Variants in PARVB observed in about 807,000 individuals in gnomAD.
PARVB encodes parvin beta.
Under a neutral mutation model 47.0 loss-of-function variants are expected in PARVB, and 46 were observed. The observed-to-expected ratio is 0.98, with a 90% CI of 0.77 to 1.25. PARVB has a LOEUF of 1.25. Among genes scored for constraint, PARVB ranks in the 50% most tolerant of loss-of-function variants. The pLI, the probability that PARVB is intolerant of heterozygous loss-of-function variation, is 0.00. For synonymous variants in PARVB, 196 were observed against 196.3 expected, an observed-to-expected ratio of 1.00 and a Z score of 0.01; for missense variants, 473 against 471.6, an observed-to-expected ratio of 1.00 and a Z score of -0.03.
chr22:44,085,889 T>G (rs147788445), intron 1 of PARVB, among the ~76,000 whole-genome samples: 1 of 152,360 alleles, frequency 6.6e-6, no homozygotes, highest in Non-Finnish European at 1.5e-5. Flanking sequence ...GGACAGGGTT[T>G]CAGCAGTGAG....
intron 1 of PARVB, among the ~76,000 whole-genome samples, chr22:44,082,430 A>C (rs1173151965): frequency 9.9e-5 from 15 of 152,220 alleles, no homozygotes. Flanking sequence ...GAGGCAGGAG[A>C]ATCGCTTGAA....
rs894464611 is a variant in PARVB, at chr22:44,151,528, G to A, written c.820G>A (p.Glu274Lys). Residue 274 changes from glutamate (E) to lysine (K), a missense_variant, in exon 10 of 13, where the codon GAG becomes AAG. Coordinates refer to ENST00000338758, the MANE Select transcript of PARVB (RefSeq NM_013327.5). ...VNKHLNKLNL[E>K]VTELETQFAD... ...CAAGCACCTGAACAAGCTGAATTTG[G>A]AGGTGACGGAACTGGAGACCCAGGT... is the stretch of plus-strand genomic sequence containing the variant. 3 of 1,613,734 alleles carry A rather than the reference G, an allele frequency of 1.9e-6. No homozygotes were observed. In the African/African-American group the frequency reaches 4.0e-5, roughly 22 times the overall value.
At chr22:44,004,019 C>G (rs1259426429) in intron 2 of PARVB, among the ~76,000 whole-genome samples, 1 of 152,158 alleles carries the variant, frequency 6.6e-6, no homozygotes, top group Admixed American at 6.5e-5. Context: ...AGGTGCTGGC[C>G]CTTCCCCACT....
chr22:44,140,456 G>A (rs1312570039), intron 8 of PARVB: 1 of 677,662 alleles, frequency 1.5e-6, no homozygotes, highest in Admixed American at 1.8e-5. Context: ...AGCAAGAGTG[G>A]TTGAGGGTAA....
Position 44,051,645 on chromosome 22 carries a change from A to G in PARVB, c.112+27194A>G, listed in dbSNP as rs150998778. Among the ~76,000 whole-genome samples the G allele has an allele frequency of 1.3e-4, 19 of 151,936 alleles. No homozygotes were observed. The East Asian group carries it at 3.5e-3, about 28-fold the overall frequency. ...GCTTGGTTTGTGTCAATGAGGGGAG[A>G]GGATTGTGCAGAAGTGCAGGAAGGG... On this transcript the variant is annotated intron_variant, in intron 1 of 12. Coordinates refer to ENST00000338758, the MANE Select transcript of PARVB (RefSeq NM_013327.5).
At chr22:44,005,895 A>G (rs1024378720) in intron 2 of PARVB, among the ~76,000 whole-genome samples, 1 of 152,180 alleles carries the variant, frequency 6.6e-6, no homozygotes, top group Non-Finnish European at 1.5e-5. Context: ...CTGTTTCAAT[A>G]TATCTGTGCT....
intron 1 of PARVB, among the ~76,000 whole-genome samples, chr22:44,052,175 C>T (rs1371660575): frequency 9.2e-5 from 14 of 152,194 alleles, no homozygotes; most frequent in Non-Finnish European, 2.9e-5. Context: ...CTAATTGCCT[C>T]GGCGGTTCTC....
chr22:44,040,791 G>A (rs899245505), intron 1 of PARVB, among the ~76,000 whole-genome samples: 4 of 151,984 alleles, frequency 2.6e-5, no homozygotes, highest in Non-Finnish European at 5.9e-5. Flanking sequence ...CGAGGTGGAC[G>A]GATCATGAGG....
intron 3 of PARVB, chr22:44,104,341 A>G (rs926580657): frequency 2.0e-5 from 3 of 151,784 alleles, no homozygotes; most frequent in Admixed American, 6.6e-5. Flanking sequence ...AGACACAGCA[A>G]CCCGGAGAGC....
intron 1 of PARVB, among the ~76,000 whole-genome samples, chr22:44,024,752 G>C (rs2146877872): frequency 6.6e-6 from 1 of 152,278 alleles, no homozygotes; most frequent in African/African-American, 2.4e-5. Context: ...CGGGTGTTCA[G>C]CTCTTCCCTG....
chr22:44,024,608 A>G (rs1476799556), intron 1 of PARVB, among the ~76,000 whole-genome samples, 157 bp downstream of exon 1: 1 of 151,816 alleles, frequency 6.6e-6, no homozygotes, highest in Non-Finnish European at 1.5e-5. Context: ...CCTTTGACCC[A>G]GGACCCGTAA....
intron 1 of PARVB, among the ~76,000 whole-genome samples, chr22:44,082,706 G>A (rs937889689): frequency 4.6e-5 from 7 of 152,178 alleles, no homozygotes; most frequent in South Asian, 2.1e-4. Context: ...ACATTTTACC[G>A]TGCACCTGGA....
At chr22:44,063,302 C>T (rs2051454575) in intron 1 of PARVB, among the ~76,000 whole-genome samples, 1 of 151,532 alleles carries the variant, frequency 6.6e-6, no homozygotes, top group Non-Finnish European at 1.5e-5. Flanking sequence ...TCTCAGCTTA[C>T]TGCAACCTCC....
rs537358740 is a variant in PARVB at position 44,162,523 on chromosome 22, A to G, written c.946-1335A>G. 7.4e-4 allele frequency among the ~76,000 whole-genome samples: 111 copies of G among 149,680 alleles called. 1 individual carries two copies. The highest frequency in any genetic ancestry group is 2.7e-3 in the African/African-American group (110 of 40,478). ...TTTTAGTAGAGATGGGGTTTCACCC[A>G]TTGGTCAGGCTGGTCTCGAATGCCT... On this transcript the variant is annotated intron_variant, in intron 11 of 12. Transcript: ENST00000338758.
chr22:44,165,502 T>C (rs2054147638), intron 12 of PARVB, among the ~76,000 whole-genome samples: 1 of 152,212 alleles, frequency 6.6e-6, no homozygotes, highest in African/African-American at 2.4e-5. Context: ...AGCCCTTTTG[T>C]TGCTGTGAGG....
intron 1 of PARVB, among the ~76,000 whole-genome samples, chr22:44,075,082 C>G (rs1015434554): frequency 5.1e-4 from 78 of 152,306 alleles, no homozygotes; most frequent in African/African-American, 1.8e-3. Flanking sequence ...CCAGATGCCA[C>G]TACGTACCCT....
In PARVB at chr22:44,099,998, C is replaced by T. The variant is rs532875931; in HGVS notation, c.203-55C>T. The T allele has an allele frequency of 4.4e-5, 63 of 1,447,598 alleles. 1 individual carries two copies. The South Asian group carries it at 6.2e-4, about 14-fold the overall frequency. 89.7% of individuals were successfully genotyped at this position (1,447,598 alleles called of 1,614,324 possible). ...ATGAGTTGGCCTCCCCCTGGTTCCC[C>T]GTGTCCCTGCCACCCCCACAATCGC... is the stretch of plus-strand genomic sequence containing the variant. On this transcript the variant is annotated intron_variant, in intron 2 of 12. Transcript: ENST00000338758.
chr22:44,015,489 A>G (rs747340714), intron 2 of PARVB, among the ~76,000 whole-genome samples: 3 of 152,180 alleles, frequency 2.0e-5, no homozygotes, highest in Non-Finnish European at 4.4e-5. Flanking sequence ...AACGAACAAC[A>G]TGACACTGGC....
chr22:44,026,453 T>A, intron 1 of PARVB: 1 of 574,032 alleles, frequency 1.7e-6, no homozygotes, highest in Non-Finnish European at 2.2e-6. Context: ...TCCTTGGATC[T>A]AGGCACAGGA....
Sources: gnomAD v4.1 joint callset for allele counts (sites outside exome capture counted in the v4.1 genomes callset) on GRCh38, gnomAD v4.1.1 for gene constraint, MANE v1.5 for transcripts, NCBI Gene and HGNC (gene_info 2026-07-23, HGNC 2026-07-21) for gene names.